The following SLC25A26 variants were observed in gnomAD, a reference collection of about 807,000 sequenced individuals.
The protein encoded by SLC25A26 is solute carrier family 25 member 26.
In SLC25A26, 36 loss-of-function variants were observed where a neutral mutation model predicts 37.8. That is an observed-to-expected ratio of 0.95 (90% CI 0.73 to 1.26). SLC25A26 has a LOEUF of 1.26. Ranked by LOEUF, SLC25A26 falls within the 50% of genes most tolerant of loss-of-function variation. The pLI is 0.00. For synonymous variants in SLC25A26, 129 were observed against 122.5 expected (o/e 1.05, Z -0.35); for missense variants, 390 against 331.1 (o/e 1.18, Z -1.38).
intron 1 of SLC25A26, among the ~76,000 whole-genome samples, chr3:66,180,368 G>A (rs527245894): frequency 6.6e-6 from 1 of 152,162 alleles, no homozygotes; most frequent in South Asian, 2.1e-4. Flanking sequence ...AATGGCCTAG[G>A]AGAAGCCAAT....
At position 66,221,040 on chromosome 3, in the gene SLC25A26, C is replaced by G. The variant is rs924243242; in HGVS notation, c.-55C>G. ...CATGGCGGCGCCCAGCGCGCGAGGA[C>G]GTGATCCGCTTCTGCTCCGGCTTGG... On this transcript the variant is annotated 5_prime_UTR_variant, in exon 1 of 10. Coordinates refer to ENST00000354883, the MANE Select transcript of SLC25A26 (RefSeq NM_001379210.1). 9.2e-6 allele frequency: 14 copies of G among 1,529,154 alleles called. No homozygotes were observed. The highest frequency in any genetic ancestry group is 2.7e-5 in the African/African-American group (2 of 72,778). The allele number at this position is 1,529,154 out of a possible 1,614,324, so 94.7% of individuals were successfully genotyped here. A position where few individuals can be genotyped will look rare whatever the true frequency, so the allele number is the denominator to read the frequency against.
chr3:66,241,905 A>G (rs1298103860), intron 2 of SLC25A26, among the ~76,000 whole-genome samples: 1 of 149,578 alleles, frequency 6.7e-6, no homozygotes, highest in Non-Finnish European at 1.5e-5. Context: ...ATGTAGAGAA[A>G]GCATAGCTTT....
intron 1 of SLC25A26, among the ~76,000 whole-genome samples, chr3:66,214,253 GCCTACCC>G (rs2071328628): frequency 6.6e-6 from 1 of 152,086 alleles, no homozygotes; most frequent in South Asian, 2.1e-4. Context: ...CATGTGACAT[GCCTACCC>G]CCACCCCACC....
intron 1 of SLC25A26, among the ~76,000 whole-genome samples, chr3:66,192,888 T>C (rs1369721733): frequency 6.6e-6 from 1 of 152,078 alleles, no homozygotes; most frequent in African/African-American, 2.4e-5. Flanking sequence ...ATGAGATAAA[T>C]GCTCATGAAA....
intron 1 of SLC25A26, among the ~76,000 whole-genome samples, chr3:66,173,488 G>T (rs546390764): frequency 9.2e-5 from 14 of 152,316 alleles, no homozygotes; most frequent in African/African-American, 3.4e-4. Context: ...GGGAGTGGAT[G>T]TTTAAGCTTG....
chr3:66,368,351 A>C (rs967569348), intron 7 of SLC25A26, among the ~76,000 whole-genome samples: 1 of 152,152 alleles, frequency 6.6e-6, no homozygotes, highest in African/African-American at 2.4e-5. Flanking sequence ...TGCATTTTAA[A>C]TGTAATATTG....
chr3:66,183,547 C>G (rs1181956767), intron 1 of SLC25A26, among the ~76,000 whole-genome samples: 3 of 151,996 alleles, frequency 2.0e-5, no homozygotes, highest in Non-Finnish European at 4.4e-5. Context: ...TGACATTGAC[C>G]TTTATCGTGA....
chr3:66,213,602 G>C (rs2071317816), intron 1 of SLC25A26, among the ~76,000 whole-genome samples: 1 of 152,016 alleles, frequency 6.6e-6, no homozygotes, highest in African/African-American at 2.4e-5. Flanking sequence ...GGGTATATTT[G>C]TTACAATCAA....
chr3:66,239,381 A>T (rs1415095312), intron 2 of SLC25A26, among the ~76,000 whole-genome samples: 1 of 151,590 alleles, frequency 6.6e-6, no homozygotes, highest in African/African-American at 2.4e-5. Flanking sequence ...CCTTGGTGAC[A>T]TTTTTCTTTT....
At chr3:66,256,461 G>A (rs1324242743) in intron 3 of SLC25A26, among the ~76,000 whole-genome samples, 1 of 152,060 alleles carries the variant, frequency 6.6e-6, no homozygotes, top group African/African-American at 2.4e-5. Context: ...TTAAAAACTT[G>A]TGAAATAATA....
At chr3:66,276,053 T>C (rs2074133911) in intron 5 of SLC25A26, among the ~76,000 whole-genome samples, 1 of 152,060 alleles carries the variant, frequency 6.6e-6, no homozygotes, top group African/African-American at 2.4e-5. Flanking sequence ...AATTAAAAAA[T>C]AGCAATTGGA....
intron 5 of SLC25A26, among the ~76,000 whole-genome samples, chr3:66,276,837 C>G (rs1299255533): frequency 1.1e-4 from 17 of 148,770 alleles, no homozygotes; most frequent in African/African-American, 4.2e-4. Context: ...TGTTATTCAA[C>G]TTGTCAGTGC....
chr3:66,362,354 G>T (rs1453067840), intron 6 of SLC25A26, among the ~76,000 whole-genome samples: 1 of 152,196 alleles, frequency 6.6e-6, no homozygotes, highest in East Asian at 1.9e-4. Flanking sequence ...TACTAATGAA[G>T]AAGAAGGCAA....
At chr3:66,278,548 A>C (rs1489399847) in intron 5 of SLC25A26, among the ~76,000 whole-genome samples, 2 of 152,140 alleles carry the variant, frequency 1.3e-5, no homozygotes, top group Non-Finnish European at 2.9e-5. Flanking sequence ...CAGTAGATAA[A>C]GTTTGTTGAG....
rs1455619532 is a variant in SLC25A26 at position 66,262,099 on chromosome 3, C to G, written c.349C>G (p.Gln117Glu). 6.3e-7 allele frequency: 1 copy of G among 1,589,596 alleles called. No individual in the cohort carries two copies. The highest frequency in any genetic ancestry group is 2.3e-5 in the East Asian group (1 of 44,352). Residue 117 changes from glutamine to glutamate, a missense_variant, in exon 4 of 10, where the codon CAG (glutamine) becomes GAG (glutamate). Gln to Glu is a conservative substitution (Grantham distance 29). Coordinates refer to ENST00000354883, the MANE Select transcript of SLC25A26 (RefSeq NM_001379210.1). ...ATCTGAAGTGGTTAAGCAGAGGGCA[C>G]AGGTATCTGCTTCTACAAGAACATT... ...VPSEVVKQRA[Q>E]VSASTRTFQI...
intron 8 of SLC25A26, among the ~76,000 whole-genome samples, chr3:66,369,884 A>G (rs981752385): frequency 8.5e-5 from 13 of 152,216 alleles, no homozygotes; most frequent in Admixed American, 3.3e-4. Context: ...CTTTGAACCT[A>G]GGGTCATGGT....
intron 6 of SLC25A26, among the ~76,000 whole-genome samples, chr3:66,360,710 A>T (rs953636462): frequency 3.9e-5 from 6 of 152,250 alleles, no homozygotes; most frequent in African/African-American, 1.4e-4. Flanking sequence ...AACCAGTGCA[A>T]GACCTGTATA....
intron 7 of SLC25A26, among the ~76,000 whole-genome samples, chr3:66,367,089 C>T (rs954407910): frequency 3.9e-5 from 6 of 152,276 alleles, no homozygotes; most frequent in Admixed American, 2.6e-4. Context: ...TAAGCGTTTT[C>T]GAGTGCCTGC....
Position 66,249,586 on chromosome 3 carries a change from A to G in SLC25A26, c.300+6274A>G, listed in dbSNP as rs546892445. On this transcript the variant is annotated intron_variant, in intron 3 of 9. Transcript: ENST00000354883. Reference sequence around the variant, plus strand: ...CCTTTTCTAAGAAGAACCACTGAGCAAGATAATAGAAGAAAGGTTGACAAC... The same window carrying G: ...CCTTTTCTAAGAAGAACCACTGAGCGAGATAATAGAAGAAAGGTTGACAAC... Among the ~76,000 whole-genome samples the G allele has an allele frequency of 2.6e-5, 4 of 152,358 alleles. No individual in the cohort carries two copies. The South Asian group carries it at 8.3e-4, about 32-fold the overall frequency.
Sources: gnomAD v4.1 joint callset for allele counts (sites outside exome capture counted in the v4.1 genomes callset) on GRCh38, gnomAD v4.1.1 for gene constraint, MANE v1.5 for transcripts, NCBI Gene and HGNC (gene_info 2026-07-23, HGNC 2026-07-21) for gene names.